Variants in MAF observed in about 807,000 individuals in gnomAD.
MAF encodes transcription factor Maf.
MAF carries 10 observed loss-of-function variants against 22.0 expected under a neutral mutation model. That is an observed-to-expected ratio of 0.45 (90% CI 0.28 to 0.77). MAF has a LOEUF of 0.77. Ranked by LOEUF, MAF falls within the 30% of genes least tolerant of loss-of-function variation. The probability of loss-of-function intolerance (pLI) is 0.12; values close to 1 mark genes in which losing one functional copy is unlikely to be tolerated. For synonymous variants in MAF, 337 were observed against 255.8 expected (o/e 1.32, Z -3.03); for missense variants, 544 against 548.4 (o/e 0.99, Z 0.08).
At chr16:79,528,168 G>T in the MAF span, among the ~76,000 whole-genome samples, 1 of 152,132 alleles carries the variant, frequency 6.6e-6, no homozygotes, top group South Asian at 2.1e-4. Context: ...TGAATTTAAG[G>T]ATTCAGTTCA....
the MAF span, among the ~76,000 whole-genome samples, chr16:79,465,637 A>T: frequency 6.6e-6 from 1 of 152,170 alleles, no homozygotes; most frequent in Non-Finnish European, 1.5e-5. Flanking sequence ...GAAAAGAAAC[A>T]TACTTGTAAA....
At chr16:79,357,987 C>T in the MAF span, among the ~76,000 whole-genome samples, 1 of 152,214 alleles carries the variant, frequency 6.6e-6, no homozygotes, top group African/African-American at 2.4e-5. Flanking sequence ...CTCTTGGACA[C>T]CGTGTGAAGG....
chr16:79,444,236 A>G, the MAF span, among the ~76,000 whole-genome samples: 1 of 152,174 alleles, frequency 6.6e-6, no homozygotes, highest in South Asian at 2.1e-4. Context: ...AGGAAAAACA[A>G]CAGGATTTAT....
At chr16:79,407,269 G>A in the MAF span, among the ~76,000 whole-genome samples, 1 of 152,156 alleles carries the variant, frequency 6.6e-6, no homozygotes, top group Non-Finnish European at 1.5e-5. Context: ...CCAGACGGGG[G>A]ACAGGGGCCT....
At chr16:79,400,055 T>A in the MAF span, among the ~76,000 whole-genome samples, 17 of 152,316 alleles carry the variant, frequency 1.1e-4, no homozygotes, top group African/African-American at 3.8e-4. Context: ...GCAGTCTATT[T>A]TGCCTCCAGG....
chr16:79,433,800 G>C, the MAF span, among the ~76,000 whole-genome samples: 2 of 152,038 alleles, frequency 1.3e-5, no homozygotes, highest in Non-Finnish European at 2.9e-5. Flanking sequence ...TAAAAATTGA[G>C]GAATTCTACG....
the MAF span, among the ~76,000 whole-genome samples, chr16:79,256,558 G>A: frequency 2.6e-5 from 4 of 152,230 alleles, no homozygotes; most frequent in East Asian, 5.8e-4. Context: ...CACCAGGAGC[G>A]TACCTGAGTT....
chr16:79,567,025 G>T, the MAF span, among the ~76,000 whole-genome samples: 1 of 152,188 alleles, frequency 6.6e-6, no homozygotes, highest in Non-Finnish European at 1.5e-5. Context: ...CTACAATTGA[G>T]ATGCAAACAT....
the MAF span, among the ~76,000 whole-genome samples, chr16:79,538,255 G>T: frequency 6.6e-6 from 1 of 152,242 alleles, no homozygotes; most frequent in South Asian, 2.1e-4. Flanking sequence ...GCCCTGAAAC[G>T]TTTCTGTGTG....
the MAF span, among the ~76,000 whole-genome samples, chr16:79,567,865 T>C: frequency 6.6e-6 from 1 of 152,260 alleles, no homozygotes; most frequent in South Asian, 2.1e-4. Flanking sequence ...CTATTTATTT[T>C]TATAAGGCTC....
the MAF span, among the ~76,000 whole-genome samples, chr16:79,246,734 G>A: frequency 2.0e-5 from 3 of 152,064 alleles, no homozygotes; most frequent in Admixed American, 6.5e-5. Context: ...GTGGTGGGTG[G>A]AATTGAGTCT....
chr16:79,307,010 C>T, the MAF span, among the ~76,000 whole-genome samples: 1 of 152,202 alleles, frequency 6.6e-6, no homozygotes, highest in Non-Finnish European at 1.5e-5. Flanking sequence ...ATCAGTGTTT[C>T]CCAACTTCTG....
the MAF span, among the ~76,000 whole-genome samples, chr16:79,440,747 T>C: frequency 6.6e-6 from 1 of 152,234 alleles, no homozygotes; most frequent in South Asian, 2.1e-4. Flanking sequence ...TAGTAAAATA[T>C]GGAAACTTCA....
the MAF span, among the ~76,000 whole-genome samples, chr16:79,247,309 G>C: frequency 1.7e-4 from 26 of 152,356 alleles, no homozygotes; most frequent in Middle Eastern, 6.8e-3. Context: ...CATGTCAATG[G>C]AGAACAGAAA....
the MAF span, among the ~76,000 whole-genome samples, chr16:79,569,087 G>C: frequency 2.0e-5 from 3 of 152,016 alleles, no homozygotes; most frequent in Admixed American, 2.0e-4. Context: ...CAACAATCTA[G>C]AAAGACAGGT....
At chr16:79,394,639 T>A in the MAF span, among the ~76,000 whole-genome samples, 1 of 152,102 alleles carries the variant, frequency 6.6e-6, no homozygotes, top group South Asian at 2.1e-4. Flanking sequence ...TTTGGAGGAT[T>A]TGGGCAGGAG....
the MAF span, among the ~76,000 whole-genome samples, chr16:79,217,105 C>T: frequency 2.1e-4 from 32 of 152,214 alleles, no homozygotes; most frequent in African/African-American, 7.2e-4. Flanking sequence ...CCATCGCACC[C>T]GGTGTCATCT....
At chr16:79,507,969 A>C in the MAF span, among the ~76,000 whole-genome samples, 3 of 152,086 alleles carry the variant, frequency 2.0e-5, no homozygotes, top group Admixed American at 6.5e-5. Context: ...GAAAGGGCCT[A>C]TTTGGTGATG....
the MAF span, among the ~76,000 whole-genome samples, chr16:79,558,550 C>A: frequency 6.6e-6 from 1 of 152,154 alleles, no homozygotes; most frequent in Non-Finnish European, 1.5e-5. Flanking sequence ...GGAAGATTGG[C>A]ATCAGACTTT....
Sources: gnomAD v4.1 joint callset for allele counts (sites outside exome capture counted in the v4.1 genomes callset) on GRCh38, gnomAD v4.1.1 for gene constraint, MANE v1.5 for transcripts, NCBI Gene and HGNC (gene_info 2026-07-23, HGNC 2026-07-21) for gene names.